The following PRR5 variants were observed in gnomAD, a reference collection of about 807,000 sequenced individuals.
PRR5 encodes proline rich 5.
Under a neutral mutation model 30.6 loss-of-function variants are expected in PRR5, and 25 were observed. The ratio of observed to expected loss-of-function variants is 0.82; its 90% CI spans 0.60 to 1.14. PRR5 has a LOEUF of 1.14. PRR5 is among the 50% of genes most tolerant of loss of function. The pLI is 0.00. For synonymous variants in PRR5, 286 were observed against 247.1 expected (o/e 1.16, Z -1.48); for missense variants, 600 against 547.1 (o/e 1.10, Z -0.96).
intron 1 of PRR5, among the ~76,000 whole-genome samples, chr22:44,704,855 G>T (rs1314930400): frequency 6.6e-6 from 1 of 152,180 alleles, no homozygotes; most frequent in Non-Finnish European, 1.5e-5. Flanking sequence ...GCCAAGAGAA[G>T]GCAAACTGGC....
At chr22:44,674,161 T>C (rs1601941225), upstream of PRR5, among the ~76,000 whole-genome samples, 1 of 142,544 alleles carries the variant, frequency 7.0e-6, no homozygotes, top group Non-Finnish European at 1.5e-5. Flanking sequence ...TTTTCTTTTC[T>C]TTTTTTTTTT....
At chr22:44,731,520 C>T (rs948979915) in intron 4 of PRR5, 15 of 594,712 alleles carry the variant, frequency 2.5e-5, no homozygotes, top group Non-Finnish European at 4.5e-5. Context: ...TTTACTGCCA[C>T]ATTTTATAAA....
At chr22:44,680,142 G>A (rs775929261) in intron 1 of PRR5, among the ~76,000 whole-genome samples, 3 of 152,198 alleles carry the variant, frequency 2.0e-5, no homozygotes, top group Non-Finnish European at 2.9e-5. Flanking sequence ...GCTCGGGGCC[G>A]TAGGGCACAG....
chr22:44,723,537 T>A (rs1428004952), intron 2 of PRR5, among the ~76,000 whole-genome samples: 1 of 151,814 alleles, frequency 6.6e-6, no homozygotes, highest in Non-Finnish European at 1.5e-5. Flanking sequence ...CTGGCCAACA[T>A]GGTGAAACCC....
At chr22:44,730,139 C>G (rs909754559) in intron 4 of PRR5, 2 of 985,104 alleles carry the variant, frequency 2.0e-6, no homozygotes, top group Admixed American at 6.1e-5. Context: ...GCCCTCGAAC[C>G]TACATGAAGC....
chr22:44,708,642 C>T lies in PRR5; in HGVS notation c.135-5949C>T, dbSNP rs370693457. On this transcript the variant is annotated intron_variant, in intron 1 of 7. Coordinates refer to ENST00000336985, the MANE Select transcript of PRR5 (RefSeq NM_181333.4). ...TAACCTTTAAGGTGAGCTCAATACT[C>T]CCATTTTGCAGATGAGCAAACAGGC... 1.1e-4 allele frequency among the ~76,000 whole-genome samples: 16 copies of T among 152,260 alleles called. 1 individual carries two copies. The East Asian group carries it at 1.5e-3, about 15-fold the overall frequency.
chr22:44,675,451 C>T (rs1041867790), upstream of PRR5, among the ~76,000 whole-genome samples: 1 of 152,084 alleles, frequency 6.6e-6, no homozygotes, highest in African/African-American at 2.4e-5. Flanking sequence ...CCTAAGCAGC[C>T]CAGGAGCTCG....
intron 7 of PRR5, among the ~76,000 whole-genome samples, chr22:44,736,217 A>G (rs1009691802): frequency 3.3e-5 from 5 of 152,038 alleles, no homozygotes; most frequent in Admixed American, 3.3e-4. Context: ...GCCCATTTAC[A>G]ACTGCCTGGC....
At chr22:44,732,881 C>A (rs1036839470) in intron 6 of PRR5, among the ~76,000 whole-genome samples, 5 of 148,526 alleles carry the variant, frequency 3.4e-5, no homozygotes, top group African/African-American at 1.3e-4. Context: ...ACACTGCACA[C>A]ACACACCACA....
At chr22:44,721,297 C>T (rs746298929) in intron 2 of PRR5, among the ~76,000 whole-genome samples, 3 of 152,086 alleles carry the variant, frequency 2.0e-5, no homozygotes. Context: ...GTTGAAATAC[C>T]CTCTAGAGGT....
At chr22:44,702,744 A>G (rs1362588255) in intron 1 of PRR5, 136 bp downstream of exon 1, 17 of 1,191,264 alleles carry the variant, frequency 1.4e-5, no homozygotes, top group Non-Finnish European at 1.5e-5. Context: ...TTTGCAAAGA[A>G]CTTGCCCCGC....
rs1485314936 is a variant in PRR5 at position 44,737,383 on chromosome 22, A to G, written c.*136A>G. 3 of 1,403,050 alleles carry G rather than the reference A, an allele frequency of 2.1e-6. No individual in the cohort carries two copies. Among genetic ancestry groups the G allele is most frequent in the Non-Finnish European group, 2.8e-6 (3 of 1,071,634 alleles). The allele number at this position is 1,403,050 out of a possible 1,614,324, so 86.9% of individuals were successfully genotyped here. ...ATCGGCCTCGTCACTGGCCTTGGTC[A>G]CTTTGTATTTCTGTCTTGGTTGGAA... is the stretch of plus-strand genomic sequence containing the variant. On this transcript the variant is annotated 3_prime_UTR_variant, in exon 8 of 8. Coordinates refer to ENST00000336985, the MANE Select transcript of PRR5 (RefSeq NM_181333.4).
chr22:44,714,094 C>T (rs1411129179), intron 1 of PRR5, among the ~76,000 whole-genome samples: 3 of 150,954 alleles, frequency 2.0e-5, no homozygotes, highest in Non-Finnish European at 4.4e-5. Context: ...TGAGCCACCG[C>T]GCCCGGCAGC....
upstream of PRR5, among the ~76,000 whole-genome samples, chr22:44,698,079 C>T (rs926578015): frequency 3.9e-5 from 6 of 152,140 alleles, no homozygotes; most frequent in Non-Finnish European, 8.8e-5. Flanking sequence ...GGTGTCCAGC[C>T]GGGGCTGAGC....
upstream of PRR5, among the ~76,000 whole-genome samples, chr22:44,698,320 C>G (rs1043852059): frequency 6.7e-6 from 1 of 149,832 alleles, no homozygotes; most frequent in African/African-American, 2.5e-5. Flanking sequence ...GAGTCTGGAG[C>G]AGGGGTGGCT....
intron 2 of PRR5, 72 bp from the exon 3 acceptor site, chr22:44,725,172 C>G (rs1466267849): frequency 6.3e-7 from 1 of 1,596,266 alleles, no homozygotes; most frequent in Admixed American, 1.7e-5. Flanking sequence ...GAGGCCCCAC[C>G]CCAGTCCGTG....
intron 1 of PRR5, among the ~76,000 whole-genome samples, chr22:44,669,629 C>T (rs904759920): frequency 5.3e-5 from 8 of 152,216 alleles, no homozygotes; most frequent in African/African-American, 1.9e-4. Flanking sequence ...ATTTTTTCCA[C>T]CAGAGCCAAG....
upstream of PRR5, among the ~76,000 whole-genome samples, chr22:44,675,969 C>T (rs1002262573): frequency 2.6e-5 from 4 of 151,762 alleles, no homozygotes; most frequent in Non-Finnish European, 5.9e-5. Context: ...GCTGGGAGAA[C>T]TTGATTGGCA....
At chr22:44,723,536 A>T (rs1930254473) in intron 2 of PRR5, among the ~76,000 whole-genome samples, 1 of 152,018 alleles carries the variant, frequency 6.6e-6, no homozygotes, top group African/African-American at 2.4e-5. Context: ...CCTGGCCAAC[A>T]TGGTGAAACC....
Sources: gnomAD v4.1 joint callset for allele counts (sites outside exome capture counted in the v4.1 genomes callset) on GRCh38, gnomAD v4.1.1 for gene constraint, MANE v1.5 for transcripts, NCBI Gene and HGNC (gene_info 2026-07-23, HGNC 2026-07-21) for gene names.